The following IL17RA variants were observed in gnomAD, a reference collection of about 807,000 sequenced individuals.
IL17RA encodes the protein interleukin-17 receptor A.
IL17RA carries 34 observed loss-of-function variants against 50.4 expected under a neutral mutation model. That is an observed-to-expected ratio of 0.67 (90% CI 0.51 to 0.90). The LOEUF (loss-of-function observed/expected upper bound fraction) is 0.90, where lower values mean the gene tolerates loss of function less well. Among genes scored for constraint, IL17RA ranks in the 40% least tolerant of loss-of-function variants. IL17RA has a pLI of 0.00. For missense variants in IL17RA, 1,276 were observed against 1,169.8 expected (o/e 1.09, Z -1.32); for synonymous variants, 585 against 510.4 (o/e 1.15, Z -1.97).
intron 9 of IL17RA, 45 bp downstream of exon 9, chr22:17,104,855 G>C: frequency 6.3e-7 from 1 of 1,579,040 alleles, no homozygotes; most frequent in Non-Finnish European, 8.7e-7. Context: ...GAGAACAAGT[G>C]GCTGAAGGCC....
chr22:17,107,837 G>A (rs991170040), intron 12 of IL17RA, 69 bp downstream of exon 12: 51 of 1,401,556 alleles, frequency 3.6e-5, no homozygotes, highest in Non-Finnish European at 4.8e-5. Context: ...GGATAAGTGC[G>A]TGGGTCGCCT....
At chr22:17,105,061 T>C (rs755623011) in intron 9 of IL17RA, among the ~76,000 whole-genome samples, 1 of 152,202 alleles carries the variant, frequency 6.6e-6, no homozygotes, top group Non-Finnish European at 1.5e-5. Flanking sequence ...CTCAACTTCC[T>C]TGACTGGAAA....
rs551693587 is a variant in IL17RA, at chr22:17,085,050, G to T, written c.-42G>T. On this transcript the variant is annotated 5_prime_UTR_variant, in exon 1 of 13. Transcript: ENST00000319363. ...AAGCCTCAGAACGTTCGTTCGCTGCGTCCCCAGCCGGGGCCGAGCCCTCCG... is the reference window on the plus strand; with the variant it reads ...AAGCCTCAGAACGTTCGTTCGCTGCTTCCCCAGCCGGGGCCGAGCCCTCCG... The T allele has an allele frequency of 3.2e-5, 41 of 1,289,176 alleles. No homozygotes were observed. Among genetic ancestry groups the T allele is most frequent in the Non-Finnish European group, 3.9e-5 (40 of 1,017,698 alleles). 79.9% of individuals were successfully genotyped at this position (1,289,176 alleles called of 1,614,324 possible).
Position 17,100,438 on chromosome 22 carries a change from T to C in IL17RA, c.507T>C (p.Pro169=). 1 of 1,614,140 alleles carries C rather than the reference T, an allele frequency of 6.2e-7. No homozygotes were observed. The highest frequency in any genetic ancestry group is 1.1e-5 in the South Asian group (1 of 91,082). ...VTVHHLPKPI[P]DGDPNHQSKN... ...TTCACCACCTGCCCAAGCCCATCCCTGATGGGGACCCAAACCACCAGTCCA... is the reference window on the plus strand; with the variant it reads ...TTCACCACCTGCCCAAGCCCATCCCCGATGGGGACCCAAACCACCAGTCCA... The change falls in exon 5 of 13, where the codon CCT becomes CCC. Residue 169 remains proline, a synonymous_variant. Transcript: ENST00000319363.
chr22:17,095,175 A>G (rs1422391295), intron 1 of IL17RA, among the ~76,000 whole-genome samples: 2 of 152,214 alleles, frequency 1.3e-5, no homozygotes, highest in Non-Finnish European at 2.9e-5. Flanking sequence ...ACAATGCACC[A>G]TAATCTAGTG....
intron 3 of IL17RA, among the ~76,000 whole-genome samples, chr22:17,098,309 G>GT (rs767620064): frequency 5.9e-5 from 9 of 152,160 alleles, no homozygotes; most frequent in Middle Eastern, 3.2e-3. Flanking sequence ...CTTTTAAAAC[G>GT]TCCCCCAAGC....
Position 17,098,012 on chromosome 22 carries a change from C to T in IL17RA, c.310+69C>T, listed in dbSNP as rs1285855486. 1.3e-5 allele frequency: 20 copies of T among 1,588,612 alleles called. No homozygotes were observed. The Admixed American group carries it at 1.5e-4, about 12-fold the overall frequency. ...TCCAAGTGGCTCTCCCAGTCAGGCT[C>T]AGGATTGGGCTCCCAGTCCTGTGCT... On this transcript the variant is annotated intron_variant, in intron 3 of 12. Transcript: ENST00000319363.
rs1301274600 is a variant in IL17RA at position 17,098,816 on chromosome 22, C to G, written c.352C>G (p.Gln118Glu). The change falls in exon 4 of 13, where the codon CAG (glutamine) becomes GAG (glutamate). Residue 118 changes from glutamine (Q) to glutamate (E), a missense_variant. By Grantham distance (29) the Gln-to-Glu change is conservative (BLOSUM62 2). Transcript: ENST00000319363. The stretch of plus-strand genomic sequence containing the variant: ...CGAGGGTGCAGAGTTATCTGTCCTG[C>G]AGCTGAACACCAATGAACGTTTGTG... ...YLEGAELSVL[Q>E]LNTNERLCVR... The G allele has an allele frequency of 1.1e-5, 17 of 1,614,244 alleles. No homozygotes were observed. The highest frequency in any genetic ancestry group is 1.4e-5 in the Non-Finnish European group (17 of 1,180,048).
rs777845932 is a variant in IL17RA, at chr22:17,107,748, G to A, written c.1067G>A (p.Ser356Asn). 3 of 1,613,786 alleles carry A rather than the reference G, an allele frequency of 1.9e-6. No homozygotes were observed. The highest frequency in any genetic ancestry group is 2.5e-6 in the Non-Finnish European group (3 of 1,179,722). ...CCAGGGCCTGGAAGTGAAAAATACA[G>A]TGATGACACCAAATACACCGGTCAG... ...RLAGPGSEKY[S>N]DDTKYTDGLP... The change falls in exon 12 of 13, where the codon AGT becomes AAT. Residue 356 changes from serine (S) to asparagine (N), a missense_variant. Ser to Asn is a conservative substitution (Grantham distance 46). Transcript: ENST00000319363.
intron 9 of IL17RA, 45 bp downstream of exon 9, chr22:17,104,855 G>A (rs748288454): frequency 1.3e-6 from 2 of 1,579,040 alleles, no homozygotes; most frequent in South Asian, 2.2e-5. Flanking sequence ...GAGAACAAGT[G>A]GCTGAAGGCC....
intron 5 of IL17RA, among the ~76,000 whole-genome samples, chr22:17,101,275 ATTGCC>A (rs1166115336): frequency 6.6e-6 from 1 of 152,132 alleles, no homozygotes; most frequent in African/African-American, 2.4e-5. Context: ...AACCTCACGA[ATTGCC>A]TTGCATATAG....
rs41529049 is a variant in IL17RA at position 17,108,712 on chromosome 22, C to T, written c.1493C>T (p.Thr498Ile). ...TTCAAGAGGCCAGCCTGCTTCGGCA[C>T]CTACGTAGTCTGCTACTTCAGCGAG... is the stretch of plus-strand genomic sequence containing the variant. ...PDFKRPACFG[T>I]YVVCYFSEVS... The change falls in exon 13 of 13, where the codon ACC becomes ATC. Residue 498 changes from threonine to isoleucine, a missense_variant. By Grantham distance (89) the Thr-to-Ile change is moderately conservative. Coordinates refer to ENST00000319363, the MANE Select transcript of IL17RA (RefSeq NM_014339.7). The T allele has an allele frequency of 3.1e-4, 503 of 1,610,746 alleles. 3 individuals carry two copies. In the African/African-American group the frequency reaches 5.8e-3, roughly 19 times the overall value.
At chr22:17,085,387 C>T (rs887627357) in intron 1 of IL17RA, 158 bp downstream of exon 1, 13 of 930,312 alleles carry the variant, frequency 1.4e-5, no homozygotes, top group Non-Finnish European at 1.7e-5. Context: ...ACAGATATCG[C>T]GGCGCCTGGG....
intron 1 of IL17RA, among the ~76,000 whole-genome samples, chr22:17,094,516 T>G: frequency 6.6e-6 from 1 of 150,818 alleles, no homozygotes. Context: ...TTCACCTATA[T>G]GTATATTTTT....
At position 17,115,657 on chromosome 22, in the gene IL17RA, T is replaced by G. The variant is rs1315803898; in HGVS notation, c.*5837T>G. 1 of 152,242 alleles carries G rather than the reference T, an allele frequency of 6.6e-6. No individual in the cohort carries two copies. The highest frequency in any genetic ancestry group is 2.4e-5 in the African/African-American group (1 of 41,466). 9.4% of individuals were successfully genotyped at this position (152,242 alleles called of 1,614,324 possible). ...CAGTGTTCTTGCTTAGACTTAATAC[T>G]ACCCTTCATGTTAAAATAAAACCAA... On this transcript the variant is annotated 3_prime_UTR_variant, in exon 13 of 13. Transcript: ENST00000319363.
chr22:17,099,231 CATCTTT>C (rs2061380843), intron 4 of IL17RA, among the ~76,000 whole-genome samples: 1 of 152,160 alleles, frequency 6.6e-6, no homozygotes, highest in African/African-American at 2.4e-5. Context: ...CTTTGTGTAA[CATCTTT>C]TATGTGTAAC....
chr22:17,103,269 AAG>A (rs1424828458), intron 7 of IL17RA, among the ~76,000 whole-genome samples: 3 of 152,368 alleles, frequency 2.0e-5, no homozygotes, highest in South Asian at 2.1e-4. Flanking sequence ...AGCCAAAGCA[AAG>A]AGAGACTTAC....
intron 1 of IL17RA, 139 bp downstream of exon 1, chr22:17,085,368 G>C (rs2061323156): frequency 7.1e-7 from 1 of 1,401,796 alleles, no homozygotes; most frequent in East Asian, 2.9e-5. Context: ...GGGGCTCAGA[G>C]CCTTGGGCAC....
At chr22:17,099,535 C>A (rs1195719377) in intron 4 of IL17RA, among the ~76,000 whole-genome samples, 2 of 152,098 alleles carry the variant, frequency 1.3e-5, no homozygotes, top group Admixed American at 6.5e-5. Flanking sequence ...TGGTGCTTAA[C>A]CCTTAAGTCA....
Sources: allele counts gnomAD v4.1 joint callset (sites outside exome capture counted in the v4.1 genomes callset), GRCh38; gene constraint gnomAD v4.1.1; transcripts MANE v1.5; gene names NCBI Gene and HGNC (gene_info 2026-07-23, HGNC 2026-07-21).